Variants in ADGRB3 observed in about 807,000 individuals in gnomAD.
ADGRB3 encodes the protein brain-specific angiogenesis inhibitor 3.
ADGRB3 carries 37 observed loss-of-function variants against 193.4 expected under a neutral mutation model. The observed-to-expected ratio is 0.19, with a 90% CI of 0.15 to 0.25. The LOEUF is 0.25. ADGRB3 is among the 10% of genes least tolerant of loss of function. ADGRB3 has a pLI of 1.00. For synonymous variants in ADGRB3, 690 were observed against 644.2 expected (o/e 1.07, Z -1.08); for missense variants, 1,637 against 1,852.9 (o/e 0.88, Z 2.14).
chr6:69,040,964 A>G (rs958917935), intron 13 of ADGRB3, among the ~76,000 whole-genome samples: 3 of 152,168 alleles, frequency 2.0e-5, no homozygotes, highest in Admixed American at 6.6e-5. Context: ...AAGGTGAAGA[A>G]TGTTTCCCAT....
At chr6:69,047,080 C>T (rs1251630838) in intron 13 of ADGRB3, among the ~76,000 whole-genome samples, 7 of 152,120 alleles carry the variant, frequency 4.6e-5, no homozygotes, top group African/African-American at 7.2e-5. Context: ...AGGATGGTCT[C>T]GATCTCCTGA....
chr6:69,266,584 A>G (rs893338480), intron 20 of ADGRB3, among the ~76,000 whole-genome samples: 2 of 152,136 alleles, frequency 1.3e-5, no homozygotes, highest in Non-Finnish European at 2.9e-5. Flanking sequence ...ATAGTTTAGT[A>G]ATATACCCTA....
chr6:68,939,489 A>C (rs1413979133), intron 5 of ADGRB3, among the ~76,000 whole-genome samples: 1 of 152,192 alleles, frequency 6.6e-6, no homozygotes, highest in Non-Finnish European at 1.5e-5. Flanking sequence ...TTTATCTTTT[A>C]ATCATTGTTT....
intron 17 of ADGRB3, among the ~76,000 whole-genome samples, chr6:69,150,313 A>T (rs1348880407): frequency 6.6e-6 from 1 of 152,112 alleles, no homozygotes; most frequent in Non-Finnish European, 1.5e-5. Context: ...CTGCCATGCA[A>T]ACCACAAGAC....
intron 8 of ADGRB3, among the ~76,000 whole-genome samples, chr6:68,967,932 T>C (rs1768431959): frequency 6.6e-6 from 1 of 151,990 alleles, no homozygotes; most frequent in Non-Finnish European, 1.5e-5. Context: ...AGAAAGAACC[T>C]GCACACAAGC....
chr6:69,228,485 G>C, intron 17 of ADGRB3, among the ~76,000 whole-genome samples: 1 of 152,196 alleles, frequency 6.6e-6, no homozygotes, highest in East Asian at 1.9e-4. Flanking sequence ...AGGAGCATGG[G>C]GGAAGATCTA....
At chr6:69,297,363 TC>T (rs1561980382) in intron 20 of ADGRB3, among the ~76,000 whole-genome samples, 57 of 122,106 alleles carry the variant, frequency 4.7e-4, no homozygotes, top group African/African-American at 1.8e-3. Flanking sequence ...TCTCTCTCTC[TC>T]TCTTTCTCTC....
At chr6:69,364,152 A>G (rs1769518669) in intron 29 of ADGRB3, among the ~76,000 whole-genome samples, 1 of 152,048 alleles carries the variant, frequency 6.6e-6, no homozygotes, top group Non-Finnish European at 1.5e-5. Context: ...TTTCAAGGAT[A>G]TAATATAAAG....
intron 16 of ADGRB3, among the ~76,000 whole-genome samples, chr6:69,064,589 AAT>A (rs1333121826): frequency 1.3e-5 from 2 of 151,894 alleles, no homozygotes; most frequent in East Asian, 1.9e-4. Context: ...TTTTTACAAA[AAT>A]ATATGTTTTT....
intron 12 of ADGRB3, among the ~76,000 whole-genome samples, chr6:69,017,698 T>C (rs539032722): frequency 6.6e-6 from 1 of 151,762 alleles, no homozygotes; most frequent in Non-Finnish European, 1.5e-5. Flanking sequence ...AGATGGACAG[T>C]TAGGTAGATA....
intron 3 of ADGRB3, among the ~76,000 whole-genome samples, chr6:68,666,608 G>A (rs1322289323): frequency 6.6e-6 from 1 of 151,564 alleles, no homozygotes. Context: ...AAGATATTTT[G>A]AGAAAAATTT....
At chr6:68,710,247 CT>C (rs1181830821) in intron 3 of ADGRB3, among the ~76,000 whole-genome samples, 3 of 152,178 alleles carry the variant, frequency 2.0e-5, no homozygotes, top group East Asian at 1.9e-4. Context: ...CCTGTAAGCC[CT>C]TTTTTTATCT....
At chr6:68,676,332 A>C (rs1284695258) in intron 3 of ADGRB3, among the ~76,000 whole-genome samples, 1 of 147,594 alleles carries the variant, frequency 6.8e-6, no homozygotes, top group Non-Finnish European at 1.5e-5. Context: ...GGGAGGTTGC[A>C]GTGAGCCCAG....
rs201650083 is a variant in ADGRB3, at chr6:68,949,853, TAC to T, written c.1195+5860_1195+5861del. 6.0e-4 allele frequency among the ~76,000 whole-genome samples: 91 copies of T among 152,262 alleles called. 1 individual carries two copies. The East Asian group carries it at 0.016, about 27-fold the overall frequency. On this transcript the variant is annotated intron_variant, in intron 6 of 31. Coordinates refer to ENST00000370598, the MANE Select transcript of ADGRB3 (RefSeq NM_001704.3). ...TTATTAATTTTGGCTTGCTTTCTTT[TAC>T]CATTTAATATTTTTTTCTCATTCAA...
intron 3 of ADGRB3, among the ~76,000 whole-genome samples, chr6:68,849,708 T>C (rs1447174023): frequency 6.8e-6 from 1 of 147,736 alleles, no homozygotes; most frequent in African/African-American, 2.7e-5. Context: ...CACCTCTCTA[T>C]GCAAATATAC....
At chr6:69,156,685 C>T (rs935640297) in intron 17 of ADGRB3, among the ~76,000 whole-genome samples, 2 of 152,040 alleles carry the variant, frequency 1.3e-5, no homozygotes, top group Non-Finnish European at 2.9e-5. Context: ...TCCATGTATA[C>T]AATGGATTGC....
intron 3 of ADGRB3, among the ~76,000 whole-genome samples, chr6:68,912,213 T>A (rs1377242642): frequency 2.0e-5 from 3 of 152,042 alleles, no homozygotes; most frequent in African/African-American, 7.2e-5. Context: ...TGCCTTTCAG[T>A]CTCAGTAATT....
chr6:68,698,655 A>G (rs544009257), intron 3 of ADGRB3, among the ~76,000 whole-genome samples: 1 of 152,160 alleles, frequency 6.6e-6, no homozygotes, highest in East Asian at 1.9e-4. Context: ...TAAAAAATGA[A>G]CCTGGTAATT....
intron 17 of ADGRB3, among the ~76,000 whole-genome samples, chr6:69,209,846 C>G (rs1277297395): frequency 6.6e-6 from 1 of 152,040 alleles, no homozygotes. Flanking sequence ...AGGGATGAAT[C>G]AGGATAAATC....
Sources: gnomAD v4.1 joint callset for allele counts (sites outside exome capture counted in the v4.1 genomes callset) on GRCh38, gnomAD v4.1.1 for gene constraint, MANE v1.5 for transcripts, NCBI Gene and HGNC (gene_info 2026-07-23, HGNC 2026-07-21) for gene names.